RIC8B: variants seen among roughly 807,000 people sequenced by gnomAD.
The protein encoded by RIC8B is RIC8 guanine nucleotide exchange factor B, also known as chaperone Ric-8B.
Under a neutral mutation model 57.5 loss-of-function variants are expected in RIC8B, and 16 were observed. The ratio of observed to expected loss-of-function variants is 0.28; its 90% confidence interval spans 0.19 to 0.42. The LOEUF (loss-of-function observed/expected upper bound fraction) is 0.42. Ranked by LOEUF, RIC8B falls within the 10% of genes least tolerant of loss-of-function variation. RIC8B has a pLI of 1.00. For missense variants in RIC8B, 481 were observed against 677.0 expected (o/e 0.71, Z 3.21); for synonymous variants, 216 against 250.8 (o/e 0.86, Z 1.31).
chr12:106,877,409 C>T (rs766908698), intron 9 of RIC8B, among the ~76,000 whole-genome samples: 17 of 151,988 alleles, frequency 1.1e-4, no homozygotes, highest in Non-Finnish European at 2.1e-4. Context: ...ATGAAAAGCA[C>T]GAAAGACAGA....
chr12:106,843,849 T>C lies in RIC8B; in HGVS notation c.1066-3T>C, dbSNP rs377593222. ...CAAAAACATATGGTTTTTTTTTTTATAGGGAAGCAGCTATAGAGAGGGTCT... is the reference window on the plus strand; with the variant it reads ...CAAAAACATATGGTTTTTTTTTTTACAGGGAAGCAGCTATAGAGAGGGTCT... On this transcript the variant is annotated splice_polypyrimidine_tract_variant and splice_region_variant and intron_variant, in intron 5 of 9. Transcript: ENST00000392837. 6.3e-6 allele frequency: 10 copies of C among 1,590,078 alleles called. No individual in the cohort carries two copies. The African/African-American group carries it at 1.2e-4, about 19-fold the overall frequency.
At chr12:106,802,742 A>G (rs2136234189) in intron 2 of RIC8B, among the ~76,000 whole-genome samples, 1 of 152,166 alleles carries the variant, frequency 6.6e-6, no homozygotes, top group South Asian at 2.1e-4. Flanking sequence ...GACTGAGTCA[A>G]ATAAGAATTT....
chr12:106,792,899 C>G (rs2044319619), intron 2 of RIC8B, among the ~76,000 whole-genome samples: 1 of 152,238 alleles, frequency 6.6e-6, no homozygotes, highest in African/African-American at 2.4e-5. Context: ...GAACTCTTCT[C>G]CAAACTGGTG....
chr12:106,788,883 C>T (rs540478193), intron 2 of RIC8B, among the ~76,000 whole-genome samples: 1 of 152,342 alleles, frequency 6.6e-6, no homozygotes, highest in Admixed American at 6.5e-5. Flanking sequence ...TTTGGCTCCT[C>T]ATTAGTTTCA....
intron 1 of RIC8B, among the ~76,000 whole-genome samples, chr12:106,779,811 T>G (rs1051485012): frequency 6.6e-6 from 1 of 151,364 alleles, no homozygotes; most frequent in Non-Finnish European, 1.5e-5. Flanking sequence ...ATTTGGGGAA[T>G]TATGTATCAT....
At chr12:106,780,583 G>A (rs994627444) in intron 1 of RIC8B, among the ~76,000 whole-genome samples, 1 of 152,128 alleles carries the variant, frequency 6.6e-6, no homozygotes, top group Non-Finnish European at 1.5e-5. Context: ...TCACTCTGTG[G>A]GTTCTTGCAG....
chr12:106,827,479 C>A (rs1167142473), intron 4 of RIC8B, among the ~76,000 whole-genome samples: 2 of 152,042 alleles, frequency 1.3e-5, no homozygotes, highest in Non-Finnish European at 2.9e-5. Context: ...GAAACATATG[C>A]TTAATTGTTA....
At chr12:106,814,662 T>C in intron 2 of RIC8B, 34 bp from the exon 3 acceptor site, 1 of 1,546,788 alleles carries the variant, frequency 6.5e-7, no homozygotes, top group East Asian at 2.3e-5. Context: ...TTGAGCCAAA[T>C]AATGATTTTT....
chr12:106,843,867 G>C lies in RIC8B; in HGVS notation c.1081G>C (p.Glu361Gln). 6.2e-7 allele frequency: 1 copy of C among 1,611,948 alleles called. No individual in the cohort carries two copies. The highest frequency in any genetic ancestry group is 1.3e-5 in the African/African-American group (1 of 74,748). The change falls in exon 6 of 10, where the codon GAG becomes CAG. Residue 361 changes from glutamate (E) to glutamine (Q), a missense_variant. Glu to Gln is a conservative substitution (Grantham distance 29). This residue lies in a region of RIC8B where 421 missense variants were observed against 560.9 expected (regional missense o/e 0.75). Transcript: ENST00000392837. ...KRIDKGSSYR[E>Q]GLTPVLSLLT... ...TTTTTTATAGGGAAGCAGCTATAGA[G>C]AGGGTCTAACTCCAGTTCTCAGCTT... is the stretch of plus-strand genomic sequence containing the variant.
At chr12:106,837,191 G>C (rs1469837862) in intron 4 of RIC8B, among the ~76,000 whole-genome samples, 16 of 152,132 alleles carry the variant, frequency 1.1e-4, no homozygotes, top group African/African-American at 3.6e-4. Flanking sequence ...GTGAAACCCT[G>C]TCTCTACTAA....
chr12:106,873,152 AC>A (rs1320909781), intron 9 of RIC8B: 3 of 985,338 alleles, frequency 3.0e-6, no homozygotes, highest in Non-Finnish European at 2.4e-6. Context: ...ATCCGGAAGT[AC>A]CCAGCAGATG....
rs577579131 is a variant in RIC8B at position 106,888,591 on chromosome 12, G to T, written c.*2576G>T. On this transcript the variant is annotated 3_prime_UTR_variant, in exon 10 of 10. Transcript: ENST00000392837. ...CTGGGAACAGAGTGGTGTGAGGAGG[G>T]TGGTCATTCTCAGGCCATTTTAAGC... The T allele has an allele frequency of 6.5e-6, 1 of 152,766 alleles. No individual in the cohort carries two copies. Among genetic ancestry groups the T allele is most frequent in the South Asian group, 2.1e-4 (1 of 4,818 alleles). The allele number at this position is 152,766 out of a possible 1,614,324, so 9.5% of individuals were successfully genotyped here.
rs1464593447 is a variant in RIC8B at position 106,774,737 on chromosome 12, C to T, written c.-9C>T. ...GCAGAGCGGCCGCGGCTCCCCCGCA[C>T]CTGCGGCCATGGATGAGGAGCGCGC... On this transcript the variant is annotated 5_prime_UTR_variant, in exon 1 of 10. Coordinates refer to ENST00000392837, the MANE Select transcript of RIC8B (RefSeq NM_001330145.2). The T allele has an allele frequency of 6.5e-7, 1 of 1,547,932 alleles. No homozygotes were observed. Among genetic ancestry groups the T allele is most frequent in the Admixed American group, 2.0e-5 (1 of 50,740 alleles).
At chr12:106,785,813 CTGTGTGTGTGTGTG>C (rs61337359) in intron 2 of RIC8B, among the ~76,000 whole-genome samples, 18 of 123,852 alleles carry the variant, frequency 1.5e-4, no homozygotes, top group African/African-American at 3.1e-4. Context: ...CTCTCTCTCT[CTGTGTGTGTGTGTG>C]TGTGTGTGTG....
rs1190675264 is a variant in RIC8B, at chr12:106,814,693, C to G, written c.133-3C>G. ...TTTTTGCATACTCGTTCTTGTTTTT[C>G]AGAAACTCTGTGAAGGCATATTTAA... On this transcript the variant is annotated splice_polypyrimidine_tract_variant and splice_region_variant and intron_variant, in intron 2 of 9. Transcript: ENST00000392837. 1 of 1,572,000 alleles carries G rather than the reference C, an allele frequency of 6.4e-7. No homozygotes were observed. Among genetic ancestry groups the G allele is most frequent in the South Asian group, 1.2e-5 (1 of 83,778 alleles).
intron 2 of RIC8B, among the ~76,000 whole-genome samples, chr12:106,794,522 A>G (rs919727967): frequency 1.3e-5 from 2 of 152,326 alleles, no homozygotes; most frequent in Admixed American, 6.5e-5. Flanking sequence ...ACGAGGAGAA[A>G]ATCTTGAAAA....
intron 7 of RIC8B, among the ~76,000 whole-genome samples, chr12:106,853,110 T>C (rs1041135000): frequency 1.3e-5 from 2 of 152,120 alleles, no homozygotes; most frequent in African/African-American, 4.8e-5. Context: ...ATAATGAACA[T>C]GTATTTTTTT....
At chr12:106,874,618 A>G in intron 9 of RIC8B, 1 of 1,312,162 alleles carries the variant, frequency 7.6e-7, no homozygotes, top group East Asian at 2.5e-5. Flanking sequence ...TATAGATGTT[A>G]TTCACTACCA....
chr12:106,853,585 C>T (rs1251158508), intron 7 of RIC8B, among the ~76,000 whole-genome samples: 1 of 149,370 alleles, frequency 6.7e-6, no homozygotes, highest in African/African-American at 2.5e-5. Flanking sequence ...TCTCCTGCCT[C>T]AGCCGTCTGA....
Sources: gnomAD v4.1 joint callset for allele counts (sites outside exome capture counted in the v4.1 genomes callset) on GRCh38, gnomAD v4.1.1 for gene constraint, gnomAD v4.1.1 regional missense constraint, MANE v1.5 for transcripts, NCBI Gene and HGNC (gene_info 2026-07-23, HGNC 2026-07-21) for gene names.